Variants in RASGRF2 observed in about 807,000 individuals in gnomAD.
RASGRF2 encodes the protein Ras protein specific guanine nucleotide releasing factor 2, also known as ras-specific guanine nucleotide-releasing factor 2.
A neutral mutation model predicts 151.0 loss-of-function variants in RASGRF2; 76 were observed. The ratio of observed to expected loss-of-function variants is 0.50; its 90% CI spans 0.42 to 0.61. The LOEUF is 0.61. Among genes scored for constraint, RASGRF2 ranks in the 20% least tolerant of loss-of-function variants. RASGRF2 has a pLI of 0.00. For missense variants in RASGRF2, 1,148 were observed against 1,564.6 expected, an observed-to-expected ratio of 0.73 and a Z score of 4.49; for synonymous variants, 504 against 566.5, an observed-to-expected ratio of 0.89 and a Z score of 1.57.
At position 81,212,506 on chromosome 5, in the gene RASGRF2, C is replaced by G; in HGVS notation, c.3297C>G (p.Ala1099=). 6.2e-7 allele frequency: 1 copy of G among 1,613,438 alleles called. No individual in the cohort carries two copies. Residue 1099 remains alanine, a synonymous_variant, in exon 23 of 27, where the codon GCC becomes GCG. Coordinates refer to ENST00000265080, the MANE Select transcript of RASGRF2 (RefSeq NM_006909.3). ...NYNGVLEITS[A]LNRSAIYRLK... ...ACGGCGTGCTGGAGATCACCTCGGC[C>G]TTAAACAGAAGTGCCATCTACAGGC...
chr5:81,026,092 C>T (rs1231454898), intron 1 of RASGRF2, among the ~76,000 whole-genome samples: 2 of 145,592 alleles, frequency 1.4e-5, no homozygotes, highest in African/African-American at 5.1e-5. Flanking sequence ...TTCCTTCCTC[C>T]CTTCCTCTGT....
chr5:81,021,646 C>G (rs187151890), intron 1 of RASGRF2, among the ~76,000 whole-genome samples: 15 of 152,178 alleles, frequency 9.9e-5, no homozygotes, highest in African/African-American at 3.6e-4. Context: ...TCTGCTCAGC[C>G]TTGGCCATTT....
chr5:81,008,139 C>CTTTTTTTT lies in RASGRF2; in HGVS notation c.289-34716_289-34709dup, dbSNP rs58105434. On this transcript the variant is annotated intron_variant, in intron 1 of 26. Transcript: ENST00000265080. ...AGTTTTCTTTTTCTTTCTTTCTTTCCTTTTTTTTTTTTTTTTTTTTTTTTT... is the reference window on the plus strand; with the variant it reads ...AGTTTTCTTTTTCTTTCTTTCTTTCCTTTTTTTTTTTTTTTTTTTTTTTTTTTTTTTTT... 7.8e-4 allele frequency among the ~76,000 whole-genome samples: 67 copies of CTTTTTTTT among 85,398 alleles called. 6 individuals carry two copies. Among genetic ancestry groups the CTTTTTTTT allele is most frequent in the African/African-American group, 1.9e-3 (40 of 21,500 alleles). The allele number at this position is 85,398 out of a possible 152,430, so 56.0% of individuals were successfully genotyped here. A position where few individuals can be genotyped will look rare whatever the true frequency, so the allele number is the denominator to read the frequency against.
At chr5:81,034,552 A>G (rs1325887463) in intron 1 of RASGRF2, among the ~76,000 whole-genome samples, 1 of 152,000 alleles carries the variant, frequency 6.6e-6, no homozygotes, top group East Asian at 1.9e-4. Flanking sequence ...ACCAACCCAA[A>G]TGTCCAAGAA....
intron 12 of RASGRF2, among the ~76,000 whole-genome samples, chr5:81,106,338 A>C (rs546408327): frequency 6.2e-4 from 94 of 151,982 alleles, no homozygotes; most frequent in Middle Eastern, 3.4e-3. Flanking sequence ...GAATCATTTC[A>C]TTTACTGATT....
chr5:81,144,899 A>G (rs922175604), intron 17 of RASGRF2, among the ~76,000 whole-genome samples: 3 of 152,056 alleles, frequency 2.0e-5, no homozygotes, highest in African/African-American at 4.8e-5. Flanking sequence ...CTTGAATTTC[A>G]TCAGTACTTT....
chr5:81,152,331 AT>A (rs1157576685), intron 17 of RASGRF2, among the ~76,000 whole-genome samples: 2 of 152,104 alleles, frequency 1.3e-5, no homozygotes, highest in African/African-American at 4.8e-5. Context: ...TCAAATAAAG[AT>A]TATGGGTACT....
chr5:81,195,886 T>G (rs1755253977), intron 18 of RASGRF2, among the ~76,000 whole-genome samples: 2 of 152,186 alleles, frequency 1.3e-5, no homozygotes, highest in African/African-American at 4.8e-5. Flanking sequence ...CTTCAGCCTG[T>G]GTGGCCGATA....
intron 17 of RASGRF2, among the ~76,000 whole-genome samples, chr5:81,177,238 A>G (rs1274742728): frequency 6.6e-6 from 1 of 152,176 alleles, no homozygotes; most frequent in Non-Finnish European, 1.5e-5. Context: ...TATTTTACTC[A>G]GAATTTCTGT....
intron 9 of RASGRF2, chr5:81,087,555 T>C (rs1752274670): frequency 3.4e-6 from 2 of 580,360 alleles, no homozygotes; most frequent in Admixed American, 3.0e-5. Flanking sequence ...TAAATTAAGC[T>C]TTTGAAGAGT....
intron 10 of RASGRF2, among the ~76,000 whole-genome samples, chr5:81,094,002 T>C (rs905719143): frequency 2.0e-5 from 3 of 152,142 alleles, no homozygotes; most frequent in African/African-American, 7.2e-5. Flanking sequence ...TTTGCTAAGG[T>C]GCATTACTCT....
intron 16 of RASGRF2, among the ~76,000 whole-genome samples, chr5:81,125,226 A>T (rs1753420700): frequency 6.6e-6 from 1 of 152,120 alleles, no homozygotes; most frequent in African/African-American, 2.4e-5. Context: ...TGCTTCAAAT[A>T]GGGCATTTTA....
chr5:81,081,383 A>G (rs1752081629), intron 7 of RASGRF2, among the ~76,000 whole-genome samples: 1 of 152,230 alleles, frequency 6.6e-6, no homozygotes, highest in African/African-American at 2.4e-5. Context: ...AGGTGGCCGC[A>G]GGGGCTCCCT....
chr5:81,012,005 C>CTT (rs1462445037), intron 1 of RASGRF2, among the ~76,000 whole-genome samples: 1 of 152,164 alleles, frequency 6.6e-6, no homozygotes, highest in Non-Finnish European at 1.5e-5. Context: ...GTGGCCTGAA[C>CTT]TTTTATAGCA....
At chr5:81,198,503 G>A (rs1190853603) in intron 18 of RASGRF2, among the ~76,000 whole-genome samples, 1 of 151,742 alleles carries the variant, frequency 6.6e-6, no homozygotes, top group Non-Finnish European at 1.5e-5. Context: ...GCAGTGGCGC[G>A]ATCTTGGCTC....
intron 16 of RASGRF2, among the ~76,000 whole-genome samples, chr5:81,126,395 A>G (rs1753453755): frequency 6.6e-6 from 1 of 152,242 alleles, no homozygotes; most frequent in African/African-American, 2.4e-5. Flanking sequence ...TTTACATACC[A>G]TAAAATTCAC....
chr5:81,064,504 C>A (rs191586348), intron 2 of RASGRF2, among the ~76,000 whole-genome samples: 1 of 152,170 alleles, frequency 6.6e-6, no homozygotes, highest in African/African-American at 2.4e-5. Context: ...TACTAGAAGC[C>A]GGGGATCATT....
intron 5 of RASGRF2, among the ~76,000 whole-genome samples, chr5:81,079,713 A>G (rs1326792867): frequency 5.3e-5 from 8 of 151,696 alleles, no homozygotes; most frequent in East Asian, 3.9e-4. Context: ...ATTTTTTTCA[A>G]CCTCTCTCCT....
rs568520753 is a variant in RASGRF2, at chr5:81,228,208, C to T, written c.*2438C>T. On this transcript the variant is annotated 3_prime_UTR_variant, in exon 27 of 27. Transcript: ENST00000265080. Reference sequence around the variant, plus strand: ...CAGCTGGGACTGCAGGGGTGTGCCACTCACTAGCCTTTCGCATTTTTGTTT... The same window carrying T: ...CAGCTGGGACTGCAGGGGTGTGCCATTCACTAGCCTTTCGCATTTTTGTTT... The T allele has an allele frequency of 2.0e-5, 3 of 152,348 alleles. No homozygotes were observed. The South Asian group carries it at 6.2e-4, about 32-fold the overall frequency. The allele number at this position is 152,348 out of a possible 1,614,324, so 9.4% of individuals were successfully genotyped here. A position where few individuals can be genotyped will look rare whatever the true frequency, so the allele number is the denominator to read the frequency against.
Sources: allele counts gnomAD v4.1 joint callset (sites outside exome capture counted in the v4.1 genomes callset), GRCh38; gene constraint gnomAD v4.1.1; transcripts MANE v1.5; gene names NCBI Gene and HGNC (gene_info 2026-07-23, HGNC 2026-07-21).